The following CFH variants were observed in gnomAD, a reference collection of about 807,000 sequenced individuals.
CFH encodes complement factor H, also known as H factor 1 (complement).
CFH carries 53 observed loss-of-function variants against 147.3 expected under a neutral mutation model. The ratio of observed to expected loss-of-function variants is 0.36; its 90% confidence interval spans 0.29 to 0.45. The LOEUF (loss-of-function observed/expected upper bound fraction) is 0.45, where lower values mean the gene tolerates loss of function less well. Ranked by LOEUF, CFH falls within the 20% of genes least tolerant of loss-of-function variation. The probability of loss-of-function intolerance (pLI) is 1.00; values close to 1 mark genes in which losing one functional copy is unlikely to be tolerated. For missense variants in CFH, 1,380 were observed against 1,498.0 expected, an observed-to-expected ratio of 0.92 and a Z score of 1.30; for synonymous variants, 536 against 489.4, an observed-to-expected ratio of 1.10 and a Z score of -1.26.
chr1:196,690,904 G>C (rs1190317605), intron 9 of CFH, among the ~76,000 whole-genome samples: 3 of 152,112 alleles, frequency 2.0e-5, no homozygotes, highest in Non-Finnish European at 2.9e-5. Context: ...GGCTGGCAAA[G>C]AGAAAGGAAG....
At chr1:196,714,227 T>A (rs989496985) in intron 10 of CFH, among the ~76,000 whole-genome samples, 2 of 152,042 alleles carry the variant, frequency 1.3e-5, no homozygotes, top group Non-Finnish European at 2.9e-5. Flanking sequence ...AATATATATC[T>A]GTTTTATAAG....
At chr1:196,688,034 G>C (rs1667886809) in intron 7 of CFH, among the ~76,000 whole-genome samples, 1 of 151,770 alleles carries the variant, frequency 6.6e-6, no homozygotes, top group Admixed American at 6.6e-5. Context: ...ATAAATCACA[G>C]AATTTAAGAA....
intron 1 of CFH, among the ~76,000 whole-genome samples, chr1:196,659,479 A>G (rs1223798971): frequency 6.6e-6 from 1 of 152,212 alleles, no homozygotes; most frequent in African/African-American, 2.4e-5. Flanking sequence ...GGCAGTGTAT[A>G]GCAGCCTCAG....
In CFH at chr1:196,745,941, G is replaced by A. The variant is rs778035658; in HGVS notation, c.3435G>A (p.Glu1145=). 2 of 1,613,998 alleles carry A rather than the reference G, an allele frequency of 1.2e-6. No individual in the cohort carries two copies. The highest frequency in any genetic ancestry group is 2.7e-5 in the African/African-American group (2 of 74,906). Residue 1145 remains glutamate (E), a synonymous_variant, in exon 21 of 22, where the codon GAG becomes GAA. Transcript: ENST00000367429. ...EYQCQNLYQL[E]GNKRITCRNG... is the part of the protein sequence containing the mutation. ...AATGCCAGAACTTGTATCAACTTGA[G>A]GGTAACAAGCGAATAACATGTAGAA... is the stretch of plus-strand genomic sequence containing the variant.
intron 6 of CFH, among the ~76,000 whole-genome samples, chr1:196,682,994 T>TA (rs33944729): frequency 0.7 from 105,331 of 151,176 alleles, 37,502 homozygotes; most frequent in East Asian, 0.95. Context: ...TATGTTTGAC[T>TA]AATATACAAC....
intron 9 of CFH, among the ~76,000 whole-genome samples, chr1:196,700,073 C>T (rs1489817515): frequency 1.3e-5 from 2 of 152,174 alleles, no homozygotes; most frequent in East Asian, 3.9e-4. Context: ...GCCAGCCATT[C>T]TGAAAGGCTT....
At position 196,689,452 on chromosome 1, in the gene CFH, G is replaced by A; in HGVS notation, c.997G>A (p.Gly333Arg). The A allele has an allele frequency of 1.2e-6, 2 of 1,612,948 alleles. No individual in the cohort carries two copies. Among genetic ancestry groups the A allele is most frequent in the Non-Finnish European group, 1.7e-6 (2 of 1,179,456 alleles). Residue 333 changes from glycine (G) to arginine (R), a missense_variant, in exon 8 of 22, where the codon GGA becomes AGA. Gly to Arg is a moderately radical substitution (Grantham distance 125). This residue lies in a region of CFH where 167 missense variants were observed against 228.0 expected (regional missense o/e 0.73). Coordinates refer to ENST00000367429, the MANE Select transcript of CFH (RefSeq NM_000186.4). The part of the protein sequence containing the change: ...KPCDYPDIKH[G>R]GLYHENMRRP... ...TTGTGATTATCCAGACATTAAACAT[G>A]GAGGTCTATATCATGAGAATATGCG...
chr1:196,681,562 A>C (rs181673344), intron 6 of CFH, among the ~76,000 whole-genome samples: 1 of 151,744 alleles, frequency 6.6e-6, no homozygotes, highest in Admixed American at 6.6e-5. Context: ...TCTCAGTCAC[A>C]AGTACAAGTA....
At chr1:196,686,072 G>T (rs1264193490) in intron 7 of CFH, among the ~76,000 whole-genome samples, 1 of 152,050 alleles carries the variant, frequency 6.6e-6, no homozygotes, top group Non-Finnish European at 1.5e-5. Context: ...AAAGGGGAAA[G>T]TGCTACACAC....
At chr1:196,701,355 C>T (rs564829016) in intron 9 of CFH, 3 of 1,613,708 alleles carry the variant, frequency 1.9e-6, no homozygotes, top group Non-Finnish European at 8.5e-7. Context: ...GGTCATCCCT[C>T]TCCAGCTTGA....
chr1:196,685,164 T>C lies in CFH; in HGVS notation c.891T>C (p.Gly297=). 2 of 1,613,102 alleles carry C rather than the reference T, an allele frequency of 1.2e-6. No homozygotes were observed. Among genetic ancestry groups the C allele is most frequent in the Non-Finnish European group, 1.7e-6 (2 of 1,179,392 alleles). Residue 297 remains glycine, a synonymous_variant, in exon 7 of 22, where the codon GGT becomes GGC. Transcript: ENST00000367429. ...AAATCACGTACCAGTGTAGAAATGG[T>C]TTTTATCCTGCAACCCGGGGAAATA... ...GDEITYQCRN[G]FYPATRGNTA... is the part of the protein sequence containing the mutation.
intron 19 of CFH, among the ~76,000 whole-genome samples, chr1:196,743,187 G>A (rs1450635642): frequency 6.6e-6 from 1 of 152,118 alleles, no homozygotes; most frequent in Non-Finnish European, 1.5e-5. Context: ...GTTTACACTG[G>A]CTTCCAGAAG....
At chr1:196,726,053 G>A (rs1669129039) in intron 12 of CFH, among the ~76,000 whole-genome samples, 1 of 152,142 alleles carries the variant, frequency 6.6e-6, no homozygotes, top group Admixed American at 6.6e-5. Flanking sequence ...CACCGGGTGT[G>A]TCTAAACAAT....
chr1:196,742,070 A>C lies in CFH; in HGVS notation c.3133+19A>C. 1.9e-6 allele frequency: 3 copies of C among 1,612,968 alleles called. No individual in the cohort carries two copies. Among genetic ancestry groups the C allele is most frequent in the Non-Finnish European group, 1.7e-6 (2 of 1,179,024 alleles). On this transcript the variant is annotated intron_variant, in intron 19 of 21. Coordinates refer to ENST00000367429, the MANE Select transcript of CFH (RefSeq NM_000186.4). Reference sequence around the variant, plus strand: ...TGCAGAGGTACTTTGGTGAATTTTCAAAATTTATTTATATAATGTGTGGGC... The same window carrying C: ...TGCAGAGGTACTTTGGTGAATTTTCCAAATTTATTTATATAATGTGTGGGC...
At chr1:196,731,828 C>A (rs950272224) in intron 15 of CFH, among the ~76,000 whole-genome samples, 2 of 151,894 alleles carry the variant, frequency 1.3e-5, no homozygotes, top group African/African-American at 2.4e-5. Flanking sequence ...TTCCTTATGG[C>A]CTGCAAGGTT....
At chr1:196,661,847 C>A (rs984930995) in intron 1 of CFH, among the ~76,000 whole-genome samples, 1 of 152,066 alleles carries the variant, frequency 6.6e-6, no homozygotes, top group Non-Finnish European at 1.5e-5. Flanking sequence ...ATTGACATAC[C>A]AATCTCCTAT....
At position 196,742,826 on chromosome 1, in the gene CFH, C is replaced by A. The variant is rs543836660; in HGVS notation, c.3134-626C>A. Among the ~76,000 whole-genome samples the A allele has an allele frequency of 1.7e-4, 26 of 152,218 alleles. No individual in the cohort carries two copies. The South Asian group carries it at 5.2e-3, about 30-fold the overall frequency. ...AATTTTGCATTGTTCAGCATAATAT[C>A]CTTAATCATTGGCAATTAAATTATC... On this transcript the variant is annotated intron_variant, in intron 19 of 21. Transcript: ENST00000367429.
intron 11 of CFH, among the ~76,000 whole-genome samples, chr1:196,722,115 C>T (rs1042683178): frequency 5.9e-5 from 9 of 151,782 alleles, no homozygotes; most frequent in African/African-American, 1.9e-4. Flanking sequence ...GTTTGTAGTC[C>T]CAACTGTGTA....
At chr1:196,744,982 G>A (rs568462620) in intron 20 of CFH, among the ~76,000 whole-genome samples, 2 of 152,248 alleles carry the variant, frequency 1.3e-5, no homozygotes, top group South Asian at 4.1e-4. Flanking sequence ...GGAGTTGACA[G>A]TTCTTTGAAC....
Sources: gnomAD v4.1 joint callset for allele counts (sites outside exome capture counted in the v4.1 genomes callset) on GRCh38, gnomAD v4.1.1 for gene constraint, gnomAD v4.1.1 regional missense constraint, MANE v1.5 for transcripts, NCBI Gene and HGNC (gene_info 2026-07-23, HGNC 2026-07-21) for gene names.